The following CDS1 variants were observed in gnomAD, a reference collection of about 807,000 sequenced individuals.
The protein encoded by CDS1 is phosphatidate cytidylyltransferase 1.
A neutral mutation model predicts 62.1 loss-of-function variants in CDS1; 41 were observed. The observed-to-expected ratio is 0.66, with a 90% CI of 0.51 to 0.86. The LOEUF is 0.86. CDS1 is among the 40% of genes least tolerant of loss of function. CDS1 has a pLI of 0.00. For missense variants in CDS1, 470 were observed against 550.1 expected (o/e 0.85, Z 1.46); for synonymous variants, 185 against 192.6 (o/e 0.96, Z 0.32).
Position 84,635,358 on chromosome 4 carries a change from G to T in CDS1, c.810+7G>T. ...GAGAACTCCATTAATTAAGGTAATGGAAAAATTTTATAAGCAAGCCACTAT... is the reference window on the plus strand; with the variant it reads ...GAGAACTCCATTAATTAAGGTAATGTAAAAATTTTATAAGCAAGCCACTAT... On this transcript the variant is annotated splice_region_variant and intron_variant, in intron 8 of 12. Coordinates refer to ENST00000295887, the MANE Select transcript of CDS1 (RefSeq NM_001263.4). The T allele has an allele frequency of 7.3e-7, 1 of 1,370,526 alleles. No homozygotes were observed. Among genetic ancestry groups the T allele is most frequent in the Non-Finnish European group, 1.0e-6 (1 of 970,244 alleles). 84.9% of individuals were successfully genotyped at this position (1,370,526 alleles called of 1,614,324 possible).
At chr4:84,596,233 TC>T (rs751600261) in intron 1 of CDS1, among the ~76,000 whole-genome samples, 56 of 152,222 alleles carry the variant, frequency 3.7e-4, no homozygotes, top group Non-Finnish European at 6.8e-4. Context: ...GCTGAGGAGC[TC>T]CCCTAGCTTC....
intron 1 of CDS1, among the ~76,000 whole-genome samples, chr4:84,602,165 G>A (rs550332364): frequency 1.5e-3 from 234 of 152,178 alleles, no homozygotes; most frequent in African/African-American, 5.4e-3. Flanking sequence ...GTTGAGTAAC[G>A]TTGCTCCAAA....
chr4:84,600,681 C>A (rs898621426), intron 1 of CDS1, among the ~76,000 whole-genome samples: 9 of 152,180 alleles, frequency 5.9e-5, no homozygotes, highest in Non-Finnish European at 1.0e-4. Flanking sequence ...GTCTTGATTA[C>A]AGTAGCTTTA....
chr4:84,639,176 G>A (rs114828240), intron 9 of CDS1, among the ~76,000 whole-genome samples, 184 bp downstream of exon 9: 1,671 of 152,246 alleles, frequency 0.011, 10 homozygotes, highest in Non-Finnish European at 0.019. Context: ...AGAATCACCT[G>A]AGAAGCTTAA....
intron 7 of CDS1, 133 bp from the exon 8 acceptor site, chr4:84,635,131 G>A (rs1290658485): frequency 3.4e-6 from 2 of 581,690 alleles, no homozygotes; most frequent in South Asian, 4.5e-5. Context: ...CAAGTGTTAT[G>A]TTCTGGGTAG....
chr4:84,624,187 T>G (rs1432576324), intron 5 of CDS1, among the ~76,000 whole-genome samples: 6 of 146,388 alleles, frequency 4.1e-5, no homozygotes. Context: ...GGCGGGAGAA[T>G]GGCATGAACC....
chr4:84,643,786 A>T (rs544625586), intron 11 of CDS1, among the ~76,000 whole-genome samples: 1 of 152,300 alleles, frequency 6.6e-6, no homozygotes, highest in African/African-American at 2.4e-5. Flanking sequence ...GAGACCTAAA[A>T]TTATCCCTGT....
At chr4:84,605,876 T>A (rs1442424534) in intron 2 of CDS1, among the ~76,000 whole-genome samples, 1 of 152,184 alleles carries the variant, frequency 6.6e-6, no homozygotes, top group Non-Finnish European at 1.5e-5. Context: ...GGTATATAAA[T>A]GTGGAAACGT....
At chr4:84,610,025 G>A (rs780678655) in intron 3 of CDS1, among the ~76,000 whole-genome samples, 6 of 150,950 alleles carry the variant, frequency 4.0e-5, no homozygotes, top group Non-Finnish European at 5.9e-5. Context: ...AAAAAAAAAT[G>A]ACAGAAATAC....
intron 1 of CDS1, among the ~76,000 whole-genome samples, chr4:84,593,770 C>G (rs1437115040): frequency 6.6e-6 from 1 of 152,134 alleles, no homozygotes; most frequent in East Asian, 1.9e-4. Context: ...TCCCAAAGTG[C>G]TGGGATTACA....
chr4:84,607,147 G>A (rs1182769566), intron 2 of CDS1, among the ~76,000 whole-genome samples: 1 of 152,106 alleles, frequency 6.6e-6, no homozygotes, highest in Non-Finnish European at 1.5e-5. Context: ...TCATAAGCTG[G>A]AAAAAAATGT....
chr4:84,645,151 G>A (rs2148661660), intron 11 of CDS1, 71 bp from the exon 12 acceptor site: 1 of 966,538 alleles, frequency 1.0e-6, no homozygotes, highest in South Asian at 1.3e-5. Flanking sequence ...TGACGCCAAA[G>A]AGACACAGAT....
At chr4:84,588,426 G>T (rs1378904365) in intron 1 of CDS1, among the ~76,000 whole-genome samples, 2 of 152,186 alleles carry the variant, frequency 1.3e-5, no homozygotes, top group African/African-American at 4.8e-5. Flanking sequence ...TGCCCAGATA[G>T]AACTGGTTTA....
At chr4:84,604,830 T>C (rs7678115) in intron 2 of CDS1, among the ~76,000 whole-genome samples, 106,278 of 151,968 alleles carry the variant, frequency 0.7, 38,817 homozygotes, top group African/African-American at 0.93. Flanking sequence ...ATTGCCCAGG[T>C]TGGTCTTAAA....
intron 5 of CDS1, among the ~76,000 whole-genome samples, chr4:84,626,153 G>A (rs376291721): frequency 7.2e-4 from 109 of 152,034 alleles, no homozygotes; most frequent in African/African-American, 2.6e-3. Context: ...GGCAACAAGA[G>A]CGAAACTCCA....
At chr4:84,591,663 G>A (rs947493885) in intron 1 of CDS1, among the ~76,000 whole-genome samples, 2 of 152,244 alleles carry the variant, frequency 1.3e-5, no homozygotes, top group Admixed American at 6.5e-5. Context: ...ATATAGGCAA[G>A]GGAGATAGGT....
intron 3 of CDS1, 62 bp downstream of exon 3, chr4:84,609,587 G>A: frequency 1.1e-6 from 1 of 914,710 alleles, no homozygotes; most frequent in Non-Finnish European, 1.8e-6. Flanking sequence ...ATATAGGATT[G>A]AAGTAATTTG....
At chr4:84,630,023 T>G (rs1239446934) in intron 5 of CDS1, among the ~76,000 whole-genome samples, 2 of 152,090 alleles carry the variant, frequency 1.3e-5, no homozygotes, top group African/African-American at 4.8e-5. Flanking sequence ...CTGTCTTGTG[T>G]CTCTGCTTTG....
intron 1 of CDS1, among the ~76,000 whole-genome samples, chr4:84,594,763 G>A (rs1231349211): frequency 6.6e-6 from 1 of 152,036 alleles, no homozygotes; most frequent in African/African-American, 2.4e-5. Flanking sequence ...ATACACAGTT[G>A]GCTCTCCATA....
Sources: allele counts gnomAD v4.1 joint callset (sites outside exome capture counted in the v4.1 genomes callset), GRCh38; gene constraint gnomAD v4.1.1; transcripts MANE v1.5; gene names NCBI Gene and HGNC (gene_info 2026-07-23, HGNC 2026-07-21).